Variants in NRG3 observed in about 807,000 individuals in gnomAD.
NRG3 encodes the protein neuregulin 3, also known as pro-neuregulin-3, membrane-bound isoform.
Under a neutral mutation model 66.9 loss-of-function variants are expected in NRG3, and 31 were observed. That is an observed-to-expected ratio of 0.46 (90% CI 0.35 to 0.63). NRG3 has a LOEUF of 0.63. Among genes scored for constraint, NRG3 ranks in the 20% least tolerant of loss-of-function variants. NRG3 has a pLI of 0.00. For missense variants in NRG3, 910 were observed against 878.9 expected (o/e 1.04, Z -0.45); for synonymous variants, 393 against 359.4 (o/e 1.09, Z -1.06).
chr10:82,443,642 C>A (rs1258998362), intron 2 of NRG3, among the ~76,000 whole-genome samples: 1 of 152,206 alleles, frequency 6.6e-6, no homozygotes, highest in Non-Finnish European at 1.5e-5. Context: ...TACAGATCAT[C>A]CTCCTAATCA....
At chr10:82,102,133 C>CATATATATAT (rs369498870) in intron 1 of NRG3, among the ~76,000 whole-genome samples, 462 of 26,172 alleles carry the variant, frequency 0.018, 17 homozygotes, top group African/African-American at 0.026. Flanking sequence ...TATGTGTATT[C>CATATATATAT]ATATATATAT....
chr10:82,055,350 G>T (rs1402649616), intron 1 of NRG3, among the ~76,000 whole-genome samples: 1 of 151,604 alleles, frequency 6.6e-6, no homozygotes, highest in Non-Finnish European at 1.5e-5. Flanking sequence ...GGTGACAGGC[G>T]CCTGTAATCT....
At chr10:82,542,478 A>G (rs1265910476) in intron 2 of NRG3, among the ~76,000 whole-genome samples, 1 of 152,218 alleles carries the variant, frequency 6.6e-6, no homozygotes, top group East Asian at 1.9e-4. Flanking sequence ...AAATGAACAA[A>G]TCAAATGGTA....
chr10:82,431,873 T>C (rs577086606), intron 2 of NRG3, among the ~76,000 whole-genome samples: 8 of 152,336 alleles, frequency 5.3e-5, no homozygotes, highest in Middle Eastern at 3.4e-3. Context: ...TGATTTTACA[T>C]AGAAAGAAAT....
chr10:82,730,854 A>T (rs1368142703), intron 2 of NRG3, among the ~76,000 whole-genome samples: 2 of 152,036 alleles, frequency 1.3e-5, no homozygotes, highest in African/African-American at 2.4e-5. Flanking sequence ...TGAGCCAATA[A>T]CTCTAGGCTG....
intron 2 of NRG3, among the ~76,000 whole-genome samples, chr10:82,731,706 G>A (rs1023431906): frequency 1.4e-4 from 21 of 152,056 alleles, no homozygotes; most frequent in African/African-American, 5.1e-4. Flanking sequence ...CCATTTCTGG[G>A]CTATTGTGAA....
chr10:82,117,845 C>T (rs956960266), intron 1 of NRG3, among the ~76,000 whole-genome samples: 3 of 152,128 alleles, frequency 2.0e-5, no homozygotes, highest in Admixed American at 6.6e-5. Flanking sequence ...CTGCACCATG[C>T]GTATTTGTTG....
chr10:82,280,459 C>T (rs561513920), intron 1 of NRG3, among the ~76,000 whole-genome samples: 5 of 152,264 alleles, frequency 3.3e-5, no homozygotes, highest in African/African-American at 1.2e-4. Context: ...ATTCATTATA[C>T]CCTACAGTAA....
intron 7 of NRG3, among the ~76,000 whole-genome samples, chr10:82,975,551 T>A (rs1407992912): frequency 6.6e-6 from 1 of 152,210 alleles, no homozygotes; most frequent in African/African-American, 2.4e-5. Context: ...CATTGCAGTA[T>A]CTGTTGGCAT....
intron 1 of NRG3, among the ~76,000 whole-genome samples, chr10:82,073,153 T>C (rs1390118112): frequency 6.6e-6 from 1 of 152,100 alleles, no homozygotes; most frequent in East Asian, 1.9e-4. Context: ...ATGTGAAATT[T>C]TGTTTTTCCT....
chr10:81,975,932 G>T (rs979965628), intron 1 of NRG3, among the ~76,000 whole-genome samples: 1 of 152,102 alleles, frequency 6.6e-6, no homozygotes, highest in Non-Finnish European at 1.5e-5. Context: ...TGGAAGGAAG[G>T]GGGCTATAAG....
chr10:82,028,213 G>GA (rs1428825206), intron 1 of NRG3, among the ~76,000 whole-genome samples: 3 of 152,046 alleles, frequency 2.0e-5, no homozygotes, highest in Admixed American at 2.0e-4. Flanking sequence ...ATGAACAAGA[G>GA]ATGACACCAT....
intron 1 of NRG3, among the ~76,000 whole-genome samples, chr10:82,349,992 A>G (rs1253173935): frequency 2.6e-5 from 4 of 152,136 alleles, no homozygotes; most frequent in Non-Finnish European, 4.4e-5. Context: ...TGAACCCGGT[A>G]CCTCAGATGG....
At chr10:82,943,838 G>GA (rs1848777135) in intron 4 of NRG3, among the ~76,000 whole-genome samples, 1 of 152,108 alleles carries the variant, frequency 6.6e-6, no homozygotes, top group South Asian at 2.1e-4. Context: ...AATATAGAAA[G>GA]ATGAAAAACC....
In NRG3 at chr10:81,875,882, C is replaced by G. The variant is rs1315314291; in HGVS notation, c.542C>G (p.Ser181Cys). The G allele has an allele frequency of 6.2e-7, 1 of 1,611,814 alleles. No individual in the cohort carries two copies. Among genetic ancestry groups the G allele is most frequent in the South Asian group, 1.1e-5 (1 of 91,058 alleles). The part of the protein sequence containing the change: ...HRVPIRASPR[S>C]TTARNTAAPA... ...GTGCCCATCCGGGCCAGCCCGCGCT[C>G]CACCACAGCACGGAACACTGCGGCC... The change falls in exon 1 of 9, where the codon TCC becomes TGC. Residue 181 changes from serine (S) to cysteine (C), a missense_variant. By Grantham distance (112) the Ser-to-Cys change is moderately radical (BLOSUM62 -1). Coordinates refer to ENST00000372141, the MANE Select transcript of NRG3 (RefSeq NM_001010848.4). The surrounding 1 kb of genome is among the most constrained non-coding windows in gnomAD (Gnocchi z 5.3).
intron 3 of NRG3, among the ~76,000 whole-genome samples, chr10:82,790,774 T>C (rs1453638202): frequency 6.6e-6 from 1 of 151,956 alleles, no homozygotes; most frequent in East Asian, 1.9e-4. Context: ...TTATCTTTTT[T>C]TATTTCTGTT....
chr10:82,659,917 C>T (rs913416167), intron 2 of NRG3, among the ~76,000 whole-genome samples: 7 of 151,684 alleles, frequency 4.6e-5, no homozygotes, highest in Non-Finnish European at 7.4e-5. Flanking sequence ...AAGTGACGGC[C>T]GGGTGCAATG....
At chr10:82,586,042 T>A (rs1168865365) in intron 2 of NRG3, among the ~76,000 whole-genome samples, 1 of 152,140 alleles carries the variant, frequency 6.6e-6, no homozygotes. Flanking sequence ...ATTTCTTGTT[T>A]TGAAGGAGCA....
chr10:82,346,850 T>C (rs1432361022), intron 1 of NRG3, among the ~76,000 whole-genome samples: 5 of 152,278 alleles, frequency 3.3e-5, no homozygotes, highest in Non-Finnish European at 7.3e-5. Context: ...AGTTTATTTG[T>C]GTAGAGGTGT....
Sources: allele counts gnomAD v4.1 joint callset (sites outside exome capture counted in the v4.1 genomes callset), GRCh38; gene constraint gnomAD v4.1.1; non-coding constraint Gnocchi (gnomAD v3.1); transcripts MANE v1.5; gene names NCBI Gene and HGNC (gene_info 2026-07-23, HGNC 2026-07-21).